AUTS2: variants seen among roughly 807,000 people sequenced by gnomAD.
AUTS2 encodes the protein activator of transcription and developmental regulator AUTS2.
Under a neutral mutation model 112.4 loss-of-function variants are expected in AUTS2, and 17 were observed. The observed-to-expected ratio is 0.15, with a 90% CI of 0.10 to 0.23. The LOEUF (loss-of-function observed/expected upper bound fraction) is 0.23. Among genes scored for constraint, AUTS2 ranks in the 10% least tolerant of loss-of-function variants. AUTS2 has a pLI of 1.00. For synonymous variants in AUTS2, 751 were observed against 702.7 expected (o/e 1.07, Z -1.09); for missense variants, 1,510 against 1,701.6 (o/e 0.89, Z 1.98).
chr7:69,986,190 T>C (rs1255965149), intron 2 of AUTS2, among the ~76,000 whole-genome samples: 8 of 152,230 alleles, frequency 5.3e-5, no homozygotes, highest in African/African-American at 1.9e-4. Context: ...ACTTCTTTCA[T>C]TGAATGAAAG....
At chr7:70,296,535 T>C (rs1330032566) in intron 4 of AUTS2, among the ~76,000 whole-genome samples, 1 of 152,222 alleles carries the variant, frequency 6.6e-6, no homozygotes, top group Non-Finnish European at 1.5e-5. Context: ...CCTTCAACTA[T>C]ATAATCAGCA....
At chr7:70,580,351 C>G (rs1007534924) in intron 5 of AUTS2, among the ~76,000 whole-genome samples, 1 of 152,192 alleles carries the variant, frequency 6.6e-6, no homozygotes, top group Admixed American at 6.5e-5. Flanking sequence ...TTCCAGGAGG[C>G]TGCTTCCTGC....
chr7:70,599,133 A>G (rs562893178), intron 5 of AUTS2, among the ~76,000 whole-genome samples: 1 of 152,302 alleles, frequency 6.6e-6, no homozygotes, highest in South Asian at 2.1e-4. Flanking sequence ...TGCTGGTTGC[A>G]CAATGCAGAT....
chr7:70,767,988 A>G (rs745762602), intron 9 of AUTS2, 36 bp from the exon 10 acceptor site: 4 of 1,607,660 alleles, frequency 2.5e-6, no homozygotes, highest in South Asian at 2.2e-5. Context: ...AAAAATGCAG[A>G]TTAAGTAACT....
chr7:70,354,051 C>G (rs993879360), intron 4 of AUTS2, among the ~76,000 whole-genome samples: 3 of 152,242 alleles, frequency 2.0e-5, no homozygotes, highest in African/African-American at 7.2e-5. Flanking sequence ...AGCCACTGTT[C>G]TTGCTAATCG....
intron 2 of AUTS2, among the ~76,000 whole-genome samples, chr7:69,910,441 G>A (rs1398851382): frequency 6.6e-6 from 1 of 152,160 alleles, no homozygotes; most frequent in Non-Finnish European, 1.5e-5. Context: ...TTTCCACGCT[G>A]CCAATAGACA....
At chr7:70,605,531 T>G (rs574020075) in intron 5 of AUTS2, among the ~76,000 whole-genome samples, 5 of 145,320 alleles carry the variant, frequency 3.4e-5, no homozygotes, top group South Asian at 2.2e-4. Flanking sequence ...TTTCTTTCTT[T>G]CTTTCCTTCT....
chr7:70,609,578 TTG>T (rs1236341257), intron 5 of AUTS2, among the ~76,000 whole-genome samples: 7 of 140,242 alleles, frequency 5.0e-5, no homozygotes, highest in African/African-American at 2.1e-4. Context: ...TTTTTTTGTT[TTG>T]TTTTTTTTTT....
In AUTS2 at chr7:70,214,490, ACACT is replaced by A. The variant is rs1256981566; in HGVS notation, c.660+79922_660+79925del. Among the ~76,000 whole-genome samples the A allele has an allele frequency of 2.6e-5, 4 of 152,316 alleles. No individual in the cohort carries two copies. The East Asian group carries it at 5.8e-4, about 22-fold the overall frequency. The stretch of plus-strand genomic sequence containing the variant: ...TTGCATACAACACATGTTCCACAAA[ACACT>A]CAGTCACACACATACAGATGCCAAT... On this transcript the variant is annotated intron_variant, in intron 4 of 18. Coordinates refer to ENST00000342771, the MANE Select transcript of AUTS2 (RefSeq NM_015570.4).
At position 69,888,344 on chromosome 7, in the gene AUTS2, A is replaced by T. The variant is rs144796330; in HGVS notation, c.310-10942A>T. Among the ~76,000 whole-genome samples the T allele has an allele frequency of 7.0e-3, 1,061 of 151,492 alleles. 6 individuals are homozygous for T. The highest frequency in any genetic ancestry group is 0.023 in the African/African-American group (928 of 41,212). ...GGGAGTCAGTGTGTGCAGAGGTCGC[A>T]TGATGAGAGAGGAAACAAGAGGATG... On this transcript the variant is annotated intron_variant, in intron 1 of 18. Transcript: ENST00000342771.
chr7:70,453,708 C>T (rs1021163746), intron 5 of AUTS2, among the ~76,000 whole-genome samples: 1 of 152,146 alleles, frequency 6.6e-6, no homozygotes, highest in Non-Finnish European at 1.5e-5. Context: ...CTCATCTCTG[C>T]CTCTGTCTTC....
intron 3 of AUTS2, among the ~76,000 whole-genome samples, chr7:70,124,054 G>GAA (rs879052637): frequency 6.6e-6 from 1 of 152,082 alleles, no homozygotes; most frequent in Non-Finnish European, 1.5e-5. Context: ...CATTTGACTG[G>GAA]TGAGATGATA....
chr7:70,791,093 G>C lies in AUTS2; in HGVS notation c.*97G>C, dbSNP rs1331268289. On this transcript the variant is annotated 3_prime_UTR_variant, in exon 19 of 19. Coordinates refer to ENST00000342771, the MANE Select transcript of AUTS2 (RefSeq NM_015570.4). ...CTCCTGCATGGCTCACACAGACTGGGGGGGAAAGCCCCACCCCTTCCCCTT... is the reference window on the plus strand; with the variant it reads ...CTCCTGCATGGCTCACACAGACTGGCGGGGAAAGCCCCACCCCTTCCCCTT... 16 of 1,270,376 alleles carry C rather than the reference G, an allele frequency of 1.3e-5. No individual in the cohort carries two copies. Among genetic ancestry groups the C allele is most frequent in the South Asian group, 5.0e-5 (2 of 40,210 alleles). The allele number at this position is 1,270,376 out of a possible 1,614,324, so 78.7% of individuals were successfully genotyped here.
intron 1 of AUTS2, among the ~76,000 whole-genome samples, chr7:69,762,004 A>G (rs542015429): frequency 1.3e-5 from 2 of 152,296 alleles, no homozygotes; most frequent in East Asian, 3.9e-4. Context: ...GTGGTATACA[A>G]GAGAAACAAA....
intron 5 of AUTS2, among the ~76,000 whole-genome samples, chr7:70,549,828 A>G (rs1018809786): frequency 6.6e-6 from 1 of 152,208 alleles, no homozygotes; most frequent in African/African-American, 2.4e-5. Flanking sequence ...CTGAGTAGGA[A>G]AAGGTAGACA....
intron 1 of AUTS2, among the ~76,000 whole-genome samples, chr7:69,634,618 C>G (rs1794432411): frequency 8.5e-5 from 13 of 152,158 alleles, no homozygotes; most frequent in Admixed American, 8.5e-4. Flanking sequence ...AGATTTGTCA[C>G]TAACCATGCT....
At position 70,791,115 on chromosome 7, in the gene AUTS2, C is replaced by T; in HGVS notation, c.*119C>T. The stretch of plus-strand genomic sequence containing the variant: ...TGGGGGGGAAAGCCCCACCCCTTCC[C>T]CTTGTAAAAAATGTATAGACTCAGT... On this transcript the variant is annotated 3_prime_UTR_variant, in exon 19 of 19. Transcript: ENST00000342771. 1 of 1,070,076 alleles carries T rather than the reference C, an allele frequency of 9.3e-7. No homozygotes were observed. The highest frequency in any genetic ancestry group is 1.2e-6 in the Non-Finnish European group (1 of 819,054). 66.3% of individuals were successfully genotyped at this position (1,070,076 alleles called of 1,614,324 possible).
At chr7:70,474,434 T>A (rs1213735649) in intron 5 of AUTS2, among the ~76,000 whole-genome samples, 1 of 152,194 alleles carries the variant, frequency 6.6e-6, no homozygotes, top group Non-Finnish European at 1.5e-5. Flanking sequence ...TCTCTCTTTG[T>A]CTTATAACAG....
chr7:69,914,666 G>C (rs535845596), intron 2 of AUTS2, among the ~76,000 whole-genome samples: 1 of 151,430 alleles, frequency 6.6e-6, no homozygotes, highest in South Asian at 2.1e-4. Context: ...TCTTTTTAGA[G>C]GTAATCCAAA....
Sources: gnomAD v4.1 joint callset for allele counts (sites outside exome capture counted in the v4.1 genomes callset) on GRCh38, gnomAD v4.1.1 for gene constraint, MANE v1.5 for transcripts, NCBI Gene and HGNC (gene_info 2026-07-23, HGNC 2026-07-21) for gene names.